FA2H: variants seen among roughly 807,000 people sequenced by gnomAD.
FA2H encodes the protein fatty acid 2-hydroxylase, also known as fatty acid alpha-hydroxylase.
Under a neutral mutation model 44.9 loss-of-function variants are expected in FA2H, and 22 were observed. The observed-to-expected ratio is 0.49, with a 90% CI of 0.35 to 0.70. FA2H has a LOEUF of 0.70. Ranked by LOEUF, FA2H falls within the 30% of genes least tolerant of loss-of-function variation. The probability of loss-of-function intolerance (pLI) is 0.01; values close to 1 mark genes in which losing one functional copy is unlikely to be tolerated. For synonymous variants in FA2H, 243 were observed against 213.2 expected (o/e 1.14, Z -1.22); for missense variants, 501 against 504.9 (o/e 0.99, Z 0.07).
At chr16:74,761,936 G>C (rs778300342) in intron 1 of FA2H, among the ~76,000 whole-genome samples, 1 of 152,336 alleles carries the variant, frequency 6.6e-6, no homozygotes, top group Admixed American at 6.5e-5. Context: ...ACCTGTTAAA[G>C]GATGAAGAGA....
chr16:74,770,525 C>T (rs571145691), intron 1 of FA2H, among the ~76,000 whole-genome samples: 12 of 152,208 alleles, frequency 7.9e-5, no homozygotes, highest in African/African-American at 2.6e-4. Flanking sequence ...ACTGCAGGCA[C>T]GAGCCACCAC....
Position 74,719,168 on chromosome 16 carries a change from G to T in FA2H, c.614-8C>A. 6.2e-7 allele frequency: 1 copy of T among 1,612,204 alleles called. No individual in the cohort carries two copies. Among genetic ancestry groups the T allele is most frequent in the African/African-American group, 1.3e-5 (1 of 75,058 alleles). ...GCACTGCCACCGTGTACTCTGCAGG[G>T]TGGCAGGGAGAGCGAGGTGAGGACC... On this transcript the variant is annotated splice_region_variant and splice_polypyrimidine_tract_variant and intron_variant, in intron 4 of 6. Coordinates refer to ENST00000219368, the MANE Select transcript of FA2H (RefSeq NM_024306.5).
At chr16:74,769,733 G>C (rs1440131904) in intron 1 of FA2H, among the ~76,000 whole-genome samples, 2 of 152,212 alleles carry the variant, frequency 1.3e-5, no homozygotes, top group Non-Finnish European at 2.9e-5. Context: ...AGCTCAATAA[G>C]TGGACTTCAT....
At chr16:74,773,341 A>G (rs1962943146) in intron 1 of FA2H, among the ~76,000 whole-genome samples, 1 of 142,270 alleles carries the variant, frequency 7.0e-6, no homozygotes. Context: ...TATAAATTTA[A>G]CTTTATCATA....
chr16:74,763,500 C>T lies in FA2H; in HGVS notation c.270+10986G>A, dbSNP rs553784257. Among the ~76,000 whole-genome samples the T allele has an allele frequency of 3.0e-4, 46 of 152,336 alleles. No individual in the cohort carries two copies. In the South Asian group the frequency reaches 7.1e-3, roughly 23 times the overall value. On this transcript the variant is annotated intron_variant, in intron 1 of 6. Coordinates refer to ENST00000219368, the MANE Select transcript of FA2H (RefSeq NM_024306.5). The stretch of plus-strand genomic sequence containing the variant: ...CTTGAACTCCTGGCCTCAAGCGATC[C>T]GCCTTCCTCAGCTTCCCAAAGTGCC...
chr16:74,717,678 C>T (rs1961737536), intron 5 of FA2H, among the ~76,000 whole-genome samples: 1 of 152,178 alleles, frequency 6.6e-6, no homozygotes, highest in African/African-American at 2.4e-5. Flanking sequence ...GATTGGAGCC[C>T]ACGTGGCTAC....
chr16:74,729,385 T>A (rs1465240228), intron 2 of FA2H, among the ~76,000 whole-genome samples: 1 of 152,094 alleles, frequency 6.6e-6, no homozygotes, highest in Non-Finnish European at 1.5e-5. Flanking sequence ...CAAGCGATCC[T>A]CCTGCCTCAG....
Position 74,716,450 on chromosome 16 carries a change from G to A in FA2H, c.936C>T (p.Asp312=), listed in dbSNP as rs1762646032. Residue 312 remains aspartate, a synonymous_variant, in exon 6 of 7, where the codon GAC becomes GAT. Transcript: ENST00000219368. ...CAAAGTGCAGGTAGTAATGGGTCAT[G>A]TCATAGAGGACGTAGCCCAGGAGGC... ...AGGLLGYVLY[D]MTHYYLHFGS... The A allele has an allele frequency of 1.2e-6, 2 of 1,613,936 alleles. No individual in the cohort carries two copies. The highest frequency in any genetic ancestry group is 1.3e-5 in the African/African-American group (1 of 74,876).
intron 1 of FA2H, among the ~76,000 whole-genome samples, chr16:74,766,079 A>C (rs1187132245): frequency 6.6e-6 from 1 of 152,158 alleles, no homozygotes; most frequent in African/African-American, 2.4e-5. Context: ...AGGCCGAGGC[A>C]GGTGAGGTCA....
At chr16:74,729,702 G>A (rs934145709) in intron 2 of FA2H, among the ~76,000 whole-genome samples, 2 of 152,208 alleles carry the variant, frequency 1.3e-5, no homozygotes, top group African/African-American at 4.8e-5. Context: ...CCTGGAGTCA[G>A]GGGAACACCA....
intron 1 of FA2H, among the ~76,000 whole-genome samples, chr16:74,770,154 C>CTT (rs1962880395): frequency 1.3e-5 from 2 of 152,324 alleles, no homozygotes; most frequent in East Asian, 3.9e-4. Flanking sequence ...ACTCCCCTTC[C>CTT]CCAGCAAAAG....
Position 74,774,772 on chromosome 16 carries a change from T to A in FA2H, c.-17A>T. ...GGGGGCCATGGCCGGAGACCGCAGC[T>A]CCCAGCGCGCAGCCCGGCGTCTGCT... is the stretch of plus-strand genomic sequence containing the variant. On this transcript the variant is annotated 5_prime_UTR_variant, in exon 1 of 7. Coordinates refer to ENST00000219368, the MANE Select transcript of FA2H (RefSeq NM_024306.5). 2 of 1,282,616 alleles carry A rather than the reference T, an allele frequency of 1.6e-6. No homozygotes were observed. Among genetic ancestry groups the A allele is most frequent in the Non-Finnish European group, 2.0e-6 (2 of 1,020,876 alleles). 79.5% of individuals were successfully genotyped at this position (1,282,616 alleles called of 1,614,324 possible).
At chr16:74,732,421 G>A (rs969156696) in intron 2 of FA2H, among the ~76,000 whole-genome samples, 2 of 151,964 alleles carry the variant, frequency 1.3e-5, no homozygotes, top group Admixed American at 6.6e-5. Context: ...AAATGGCATA[G>A]GATTCTTTTT....
rs114839501 is a variant in FA2H, at chr16:74,724,916, G to A, written c.613+1309C>T. Among the ~76,000 whole-genome samples, 993 of 152,300 alleles carry A rather than the reference G, an allele frequency of 6.5e-3. 8 individuals are homozygous for A. Among genetic ancestry groups the A allele is most frequent in the African/African-American group, 0.023 (942 of 41,550 alleles). On this transcript the variant is annotated intron_variant, in intron 4 of 6. Coordinates refer to ENST00000219368, the MANE Select transcript of FA2H (RefSeq NM_024306.5). Reference sequence around the variant, plus strand: ...AGTGGCATCTCTGGAGGAATCCGGCGGAGGGACCTGGGCCAAAGCTTCAGC... The same window carrying A: ...AGTGGCATCTCTGGAGGAATCCGGCAGAGGGACCTGGGCCAAAGCTTCAGC...
rs1961670750 is a variant in FA2H, at chr16:74,715,349, T to C, written c.1039+998A>G. Among the ~76,000 whole-genome samples the C allele has an allele frequency of 2.6e-5, 4 of 152,152 alleles. No homozygotes were observed. The South Asian group carries it at 8.3e-4, about 31-fold the overall frequency. On this transcript the variant is annotated intron_variant, in intron 6 of 6. Coordinates refer to ENST00000219368, the MANE Select transcript of FA2H (RefSeq NM_024306.5). ...CTCTGTCACCCAGGCTGGGGTGCAGTGGCATGATCATAGCTCATTGCTGCC... is the reference window on the plus strand; with the variant it reads ...CTCTGTCACCCAGGCTGGGGTGCAGCGGCATGATCATAGCTCATTGCTGCC...
intron 1 of FA2H, among the ~76,000 whole-genome samples, chr16:74,757,977 C>A (rs373958878): frequency 4.5e-4 from 69 of 152,166 alleles, no homozygotes; most frequent in African/African-American, 1.2e-3. Flanking sequence ...TGAGATAGCA[C>A]CACTATACTC....
chr16:74,728,919 A>T (rs1293261527), intron 2 of FA2H, among the ~76,000 whole-genome samples: 1 of 147,004 alleles, frequency 6.8e-6, no homozygotes, highest in Non-Finnish European at 1.5e-5. Context: ...AGTAGCTGGG[A>T]CTACAGGCAC....
At chr16:74,746,613 G>C (rs1269374547) in intron 1 of FA2H, among the ~76,000 whole-genome samples, 1 of 152,098 alleles carries the variant, frequency 6.6e-6, no homozygotes, top group Non-Finnish European at 1.5e-5. Flanking sequence ...AATGATGTGG[G>C]CCGAACCAAC....
chr16:74,771,810 T>C (rs974978494), intron 1 of FA2H, among the ~76,000 whole-genome samples: 6 of 152,108 alleles, frequency 3.9e-5, no homozygotes, highest in African/African-American at 1.2e-4. Context: ...GCCACTGCAG[T>C]GGCAGCCATG....
Sources: gnomAD v4.1 joint callset for allele counts (sites outside exome capture counted in the v4.1 genomes callset) on GRCh38, gnomAD v4.1.1 for gene constraint, MANE v1.5 for transcripts, NCBI Gene and HGNC (gene_info 2026-07-23, HGNC 2026-07-21) for gene names.